Variants in MRPS35 observed in about 807,000 individuals in gnomAD.
MRPS35 encodes mitochondrial ribosomal protein S35.
Under a neutral mutation model 32.7 loss-of-function variants are expected in MRPS35, and 29 were observed. The observed-to-expected ratio is 0.89, with a 90% confidence interval of 0.66 to 1.21. The LOEUF is 1.21. Ranked by LOEUF, MRPS35 falls within the 50% of genes most tolerant of loss-of-function variation. The pLI is 0.00. For synonymous variants in MRPS35, 148 were observed against 139.3 expected, an observed-to-expected ratio of 1.06 and a Z score of -0.44; for missense variants, 373 against 383.8, an observed-to-expected ratio of 0.97 and a Z score of 0.23.
At chr12:27,747,092 C>T (rs1309982508) in intron 7 of MRPS35, among the ~76,000 whole-genome samples, 1 of 152,202 alleles carries the variant, frequency 6.6e-6, no homozygotes, top group Non-Finnish European at 1.5e-5. Flanking sequence ...AATTTGCCAC[C>T]TCATTACCAG....
intron 7 of MRPS35, among the ~76,000 whole-genome samples, chr12:27,750,568 C>G (rs964609333): frequency 6.6e-6 from 1 of 152,034 alleles, no homozygotes; most frequent in Non-Finnish European, 1.5e-5. Flanking sequence ...TTTGGGAGGC[C>G]AAGGCAGGTG....
intron 7 of MRPS35, among the ~76,000 whole-genome samples, chr12:27,745,039 T>C (rs1264587830): frequency 1.3e-5 from 2 of 152,124 alleles, no homozygotes; most frequent in African/African-American, 4.8e-5. Context: ...CACTGCAGAC[T>C]CTGCCTCCCA....
intron 5 of MRPS35, among the ~76,000 whole-genome samples, chr12:27,730,448 T>C (rs2061917533): frequency 6.6e-6 from 1 of 152,084 alleles, no homozygotes; most frequent in South Asian, 2.1e-4. Context: ...TTAAGATGAT[T>C]TGTTTTGTTT....
At chr12:27,744,766 A>G (rs748183870) in intron 7 of MRPS35, among the ~76,000 whole-genome samples, 5 of 152,200 alleles carry the variant, frequency 3.3e-5, no homozygotes, top group Admixed American at 1.3e-4. Context: ...ACTACGTGCC[A>G]CAGTTTTACT....
Position 27,714,768 on chromosome 12 carries a change from T to C in MRPS35, c.113-12T>C. ...AATTCTCTTTAACTACTGTGTTATC[T>C]TTTACGTACAGCGGAAAGAACACCC... On this transcript the variant is annotated splice_polypyrimidine_tract_variant and intron_variant, in intron 1 of 7. Transcript: ENST00000081029. The C allele has an allele frequency of 6.2e-7, 1 of 1,604,598 alleles. No individual in the cohort carries two copies. Among genetic ancestry groups the C allele is most frequent in the East Asian group, 2.2e-5 (1 of 44,792 alleles).
intron 7 of MRPS35, among the ~76,000 whole-genome samples, chr12:27,750,288 G>A (rs1311075431): frequency 6.6e-6 from 1 of 152,030 alleles, no homozygotes; most frequent in African/African-American, 2.4e-5. Context: ...AATAGATTGT[G>A]GACCTTTGTT....
intron 7 of MRPS35, 110 bp downstream of exon 7, chr12:27,737,718 A>G: frequency 6.1e-6 from 5 of 820,590 alleles, no homozygotes; most frequent in Non-Finnish European, 8.0e-6. Flanking sequence ...TGAACTGCTG[A>G]ATAATCTAAG....
intron 7 of MRPS35, among the ~76,000 whole-genome samples, chr12:27,744,464 A>T (rs1211171680): frequency 6.6e-6 from 1 of 152,178 alleles, no homozygotes; most frequent in Non-Finnish European, 1.5e-5. Context: ...GAAGTATTTT[A>T]AAAAGTATTT....
intron 7 of MRPS35, 118 bp from the exon 8 acceptor site, chr12:27,755,063 C>A: frequency 8.0e-7 from 1 of 1,250,182 alleles, no homozygotes; most frequent in African/African-American, 1.5e-5. Flanking sequence ...ATTTTGCAAA[C>A]TTCTCTTCCC....
At chr12:27,731,803 A>C (rs2061923107) in intron 5 of MRPS35, among the ~76,000 whole-genome samples, 1 of 152,178 alleles carries the variant, frequency 6.6e-6, no homozygotes, top group South Asian at 2.1e-4. Context: ...ACCTGACCTC[A>C]AGCGTTCCTC....
chr12:27,752,112 A>G (rs7969283), intron 7 of MRPS35, among the ~76,000 whole-genome samples: 140,782 of 151,694 alleles, frequency 0.93, 65,329 homozygotes, highest in East Asian at 1. Flanking sequence ...GCTGGGCATG[A>G]TAGCGTGCAC....
chr12:27,746,356 G>A (rs1319604933), intron 7 of MRPS35, among the ~76,000 whole-genome samples: 1 of 152,080 alleles, frequency 6.6e-6, no homozygotes, highest in Non-Finnish European at 1.5e-5. Flanking sequence ...TCAAAAGAGC[G>A]TTTCACATTT....
intron 7 of MRPS35, among the ~76,000 whole-genome samples, chr12:27,743,758 A>G (rs1475238051): frequency 6.6e-6 from 1 of 152,200 alleles, no homozygotes; most frequent in Admixed American, 6.5e-5. Flanking sequence ...ATAGAAATTT[A>G]TTTCTCACAG....
intron 7 of MRPS35, among the ~76,000 whole-genome samples, chr12:27,754,680 T>A (rs1484226462): frequency 2.1e-5 from 3 of 145,992 alleles, no homozygotes; most frequent in African/African-American, 7.8e-5. Flanking sequence ...GGTGGGAGAA[T>A]CACCTGAGAC....
chr12:27,733,364 A>G (rs931485829), intron 5 of MRPS35, among the ~76,000 whole-genome samples: 6 of 152,188 alleles, frequency 3.9e-5, no homozygotes, highest in Admixed American at 3.9e-4. Flanking sequence ...AATTAATGTG[A>G]ATGTGATCTT....
intron 6 of MRPS35, among the ~76,000 whole-genome samples, chr12:27,736,605 T>G (rs1413194450): frequency 6.6e-6 from 1 of 152,018 alleles, no homozygotes; most frequent in Non-Finnish European, 1.5e-5. Context: ...GAATAAGCAG[T>G]ATAGTTGAAG....
At chr12:27,752,087 AATAAAAT>A (rs2062006684) in intron 7 of MRPS35, among the ~76,000 whole-genome samples, 2 of 88,558 alleles carry the variant, frequency 2.3e-5, no homozygotes, top group African/African-American at 6.6e-5. Flanking sequence ...CAAAAAAAAA[AATAAAAT>A]AAAATTAGCT....
chr12:27,755,142 A>C (rs1435165315), intron 7 of MRPS35, 39 bp from the exon 8 acceptor site: 4 of 1,477,794 alleles, frequency 2.7e-6, no homozygotes, highest in Non-Finnish European at 3.6e-6. Flanking sequence ...TATTTCTCAG[A>C]ATTCAGAACT....
intron 1 of MRPS35, among the ~76,000 whole-genome samples, chr12:27,713,305 G>A (rs1388451688): frequency 6.6e-6 from 1 of 152,184 alleles, no homozygotes; most frequent in African/African-American, 2.4e-5. Context: ...CGTAGATGTA[G>A]GATAGGATAG....
Sources: allele counts gnomAD v4.1 joint callset (sites outside exome capture counted in the v4.1 genomes callset), GRCh38; gene constraint gnomAD v4.1.1; transcripts MANE v1.5; gene names NCBI Gene and HGNC (gene_info 2026-07-23, HGNC 2026-07-21).